The following GALNT1 variants were observed in gnomAD, a reference collection of about 807,000 sequenced individuals.
GALNT1 encodes the protein polypeptide N-acetylgalactosaminyltransferase 1.
Under a neutral mutation model 65.7 loss-of-function variants are expected in GALNT1, and 17 were observed. That is an observed-to-expected ratio of 0.26 (90% CI 0.18 to 0.39). The LOEUF (loss-of-function observed/expected upper bound fraction) is 0.39, where lower values mean the gene tolerates loss of function less well. GALNT1 is among the 10% of genes least tolerant of loss of function. GALNT1 has a pLI of 1.00. For missense variants in GALNT1, 460 were observed against 672.8 expected (o/e 0.68, Z 3.50); for synonymous variants, 210 against 219.7 (o/e 0.96, Z 0.39).
chr18:35,584,021 G>A (rs1332519977), intron 1 of GALNT1, among the ~76,000 whole-genome samples: 4 of 152,016 alleles, frequency 2.6e-5, no homozygotes, highest in Admixed American at 2.0e-4. Flanking sequence ...CAGTTTTTCC[G>A]TTAATATCTT....
chr18:35,656,593 C>T (rs901006590), intron 2 of GALNT1, among the ~76,000 whole-genome samples: 3 of 152,130 alleles, frequency 2.0e-5, no homozygotes, highest in South Asian at 2.1e-4. Context: ...CAAGTGAGAA[C>T]GAGTTGATAG....
At chr18:35,654,133 G>A (rs564176245) in intron 1 of GALNT1, among the ~76,000 whole-genome samples, 4 of 152,258 alleles carry the variant, frequency 2.6e-5, no homozygotes, top group African/African-American at 4.8e-5. Context: ...TTACCTTAAC[G>A]TATAATACAG....
At chr18:35,604,277 C>T (rs1254507835) in intron 1 of GALNT1, among the ~76,000 whole-genome samples, 1 of 152,166 alleles carries the variant, frequency 6.6e-6, no homozygotes, top group Non-Finnish European at 1.5e-5. Flanking sequence ...GCGTGGTACT[C>T]CATGGTGTAT....
At chr18:35,649,927 A>G (rs1291683380) in intron 1 of GALNT1, among the ~76,000 whole-genome samples, 1 of 152,202 alleles carries the variant, frequency 6.6e-6, no homozygotes, top group African/African-American at 2.4e-5. Context: ...GTTGTCACCA[A>G]TAATGTTGTC....
chr18:35,695,220 T>C (rs995783232), intron 9 of GALNT1, among the ~76,000 whole-genome samples: 82 of 151,462 alleles, frequency 5.4e-4, no homozygotes, highest in African/African-American at 2.0e-3. Context: ...ATGGGTGTCA[T>C]GTATTTGGGT....
At position 35,711,187 on chromosome 18, in the gene GALNT1, A is replaced by C. The variant is rs1017974354; in HGVS notation, c.*1417A>C. The stretch of plus-strand genomic sequence containing the variant: ...AAAGGTAACCTTTTAATCTCGTAGG[A>C]GGAATCTCATTAAGACATTTTTCCT... On this transcript the variant is annotated 3_prime_UTR_variant, in exon 12 of 12. Coordinates refer to ENST00000269195, the MANE Select transcript of GALNT1 (RefSeq NM_020474.4). The C allele has an allele frequency of 2.0e-5, 3 of 152,294 alleles. No homozygotes were observed. Among genetic ancestry groups the C allele is most frequent in the African/African-American group, 7.2e-5 (3 of 41,420 alleles). The allele number at this position is 152,294 out of a possible 1,614,324, so 9.4% of individuals were successfully genotyped here.
At chr18:35,681,606 C>T (rs2047787632) in intron 4 of GALNT1, among the ~76,000 whole-genome samples, 1 of 151,890 alleles carries the variant, frequency 6.6e-6, no homozygotes, top group Non-Finnish European at 1.5e-5. Flanking sequence ...TTTGGAAAAA[C>T]TTGTTGGGAG....
intron 1 of GALNT1, among the ~76,000 whole-genome samples, chr18:35,584,279 A>T (rs2046355999): frequency 6.6e-6 from 1 of 152,186 alleles, no homozygotes. Context: ...TGCTTATGTA[A>T]CATACAACTT....
At chr18:35,695,815 C>G (rs2048046477) in intron 9 of GALNT1, among the ~76,000 whole-genome samples, 1 of 152,108 alleles carries the variant, frequency 6.6e-6, no homozygotes, top group Non-Finnish European at 1.5e-5. Context: ...CAAAGAAGGC[C>G]CAGGGTGAGT....
intron 2 of GALNT1, among the ~76,000 whole-genome samples, chr18:35,662,748 T>C (rs1246934387): frequency 6.6e-6 from 1 of 152,206 alleles, no homozygotes; most frequent in Admixed American, 6.5e-5. Context: ...CCATCCCTTA[T>C]AGATGAGAAG....
intron 9 of GALNT1, among the ~76,000 whole-genome samples, chr18:35,700,447 G>C (rs2048142168): frequency 6.6e-6 from 1 of 152,080 alleles, no homozygotes. Flanking sequence ...CCTCACCTGG[G>C]CCTCACTGAC....
At chr18:35,593,442 C>T (rs1404799041) in intron 1 of GALNT1, among the ~76,000 whole-genome samples, 2 of 152,016 alleles carry the variant, frequency 1.3e-5, no homozygotes, top group East Asian at 3.9e-4. Context: ...AGCTTGCATT[C>T]GGGGTAGTTG....
Position 35,682,982 on chromosome 18 carries a change from G to A in GALNT1, c.482-409G>A, listed in dbSNP as rs148079534. ...AAGACAATTTGTTTGTGCTTCTGAG[G>A]AAATTTCACAATTTTCTGAACTCTA... On this transcript the variant is annotated intron_variant, in intron 4 of 11. Coordinates refer to ENST00000269195, the MANE Select transcript of GALNT1 (RefSeq NM_020474.4). Among the ~76,000 whole-genome samples the A allele has an allele frequency of 7.8e-3, 1,182 of 151,076 alleles. 14 individuals are homozygous for A. Among genetic ancestry groups the A allele is most frequent in the Admixed American group, 0.022 (329 of 15,154 alleles).
chr18:35,663,888 C>G, intron 3 of GALNT1, 86 bp downstream of exon 3: 1 of 1,256,380 alleles, frequency 8.0e-7, no homozygotes, highest in South Asian at 1.3e-5. Flanking sequence ...GCTGATTGTT[C>G]TTAAGGCAAA....
chr18:35,698,689 C>G (rs1037323824), intron 9 of GALNT1, among the ~76,000 whole-genome samples: 21 of 151,752 alleles, frequency 1.4e-4, no homozygotes, highest in African/African-American at 5.1e-4. Context: ...TTTAAAACAG[C>G]CAACACGGCC....
chr18:35,657,214 G>A (rs1350778958), intron 2 of GALNT1, among the ~76,000 whole-genome samples: 1 of 152,080 alleles, frequency 6.6e-6, no homozygotes, highest in Non-Finnish European at 1.5e-5. Context: ...TCCTGCCTCA[G>A]CCTCTTGAGT....
intron 1 of GALNT1, among the ~76,000 whole-genome samples, chr18:35,600,319 C>T (rs1415237661): frequency 3.3e-5 from 5 of 151,430 alleles, no homozygotes; most frequent in Admixed American, 6.6e-5. Context: ...ATTTCTTTTT[C>T]GTTTTGTTTG....
intron 1 of GALNT1, among the ~76,000 whole-genome samples, chr18:35,583,649 T>A (rs2143810664): frequency 6.6e-6 from 1 of 152,248 alleles, no homozygotes; most frequent in South Asian, 2.1e-4. Flanking sequence ...GTGGCATGCG[T>A]CTGTAGTCCT....
intron 1 of GALNT1, among the ~76,000 whole-genome samples, chr18:35,641,852 GT>G (rs2047168341): frequency 6.6e-6 from 1 of 152,128 alleles, no homozygotes; most frequent in African/African-American, 2.4e-5. Context: ...TAGATCAGGG[GT>G]CGGTGTGATG....
Sources: allele counts gnomAD v4.1 joint callset (sites outside exome capture counted in the v4.1 genomes callset), GRCh38; gene constraint gnomAD v4.1.1; transcripts MANE v1.5; gene names NCBI Gene and HGNC (gene_info 2026-07-23, HGNC 2026-07-21).